SNRPN: variants seen among roughly 807,000 people sequenced by gnomAD.
SNRPN encodes small nuclear ribonucleoprotein polypeptide N, also known as small nuclear ribonucleoprotein-associated protein N.
A neutral mutation model predicts 25.2 loss-of-function variants in SNRPN; 7 were observed. That is an observed-to-expected ratio of 0.28 (90% CI 0.16 to 0.52). The LOEUF is 0.52. Among genes scored for constraint, SNRPN ranks in the 20% least tolerant of loss-of-function variants. SNRPN has a pLI of 0.96. For missense variants in SNRPN, 196 were observed against 322.5 expected, an observed-to-expected ratio of 0.61 and a Z score of 3.00; for synonymous variants, 124 against 110.6, an observed-to-expected ratio of 1.12 and a Z score of -0.76.
At chr15:24,875,308 TTGTC>T (rs774639816) in intron 1 of SNRPN, among the ~76,000 whole-genome samples, 3 of 152,188 alleles carry the variant, frequency 2.0e-5, no homozygotes, top group African/African-American at 4.8e-5. Context: ...GAGCTTGACT[TTGTC>T]TGTCTCCAGA....
chr15:24,923,923 ATTTTTTT>A (rs34575205), intron 3 of SNRPN, among the ~76,000 whole-genome samples: 5 of 89,904 alleles, frequency 5.6e-5, no homozygotes, highest in African/African-American at 4.7e-5. Flanking sequence ...GTATATAAAC[ATTTTTTT>A]TTTTTTTTTT....
At chr15:24,898,284 T>C (rs559056495) in intron 2 of SNRPN, among the ~76,000 whole-genome samples, 60 of 152,336 alleles carry the variant, frequency 3.9e-4, no homozygotes, top group Non-Finnish European at 6.3e-4. Context: ...TCCGGCCTCA[T>C]TGGCATATAA....
chr15:24,918,908 C>T lies in SNRPN; in HGVS notation c.-504-1103C>T, dbSNP rs1017037639. 5.0e-5 allele frequency among the ~76,000 whole-genome samples: 4 copies of T among 80,316 alleles called. 1 individual carries two copies. In the East Asian group the frequency reaches 1.1e-3, roughly 22 times the overall value. 52.7% of individuals were successfully genotyped at this position (80,316 alleles called of 152,430 possible). A position where few individuals can be genotyped will look rare whatever the true frequency, so the allele number is the denominator to read the frequency against. ...ATATAACATAATATATATATGTGCA[C>T]ATATATATAACATAATATATATATG... On this transcript the variant is annotated intron_variant, in intron 2 of 11. Coordinates refer to the SNRPN transcript ENST00000400097.
chr15:24,866,016 C>T (rs909354879), intron 1 of SNRPN, among the ~76,000 whole-genome samples: 3 of 152,080 alleles, frequency 2.0e-5, no homozygotes, highest in East Asian at 1.9e-4. Flanking sequence ...CCTGTTTTAA[C>T]GGTTTCTGCC....
intron 3 of SNRPN, among the ~76,000 whole-genome samples, chr15:24,921,728 GC>G (rs942094898): frequency 6.6e-6 from 1 of 152,156 alleles, no homozygotes; most frequent in Non-Finnish European, 1.5e-5. Flanking sequence ...AGTCCTTCAG[GC>G]CAACTCACTT....
chr15:24,957,501 T>TA (rs908964542), intron 1 of SNRPN, among the ~76,000 whole-genome samples: 1 of 152,222 alleles, frequency 6.6e-6, no homozygotes, highest in Non-Finnish European at 1.5e-5. Flanking sequence ...AGTACTTTTT[T>TA]AAAAAATCAT....
At chr15:24,858,270 A>C (rs531431940) in intron 1 of SNRPN, among the ~76,000 whole-genome samples, 2 of 152,282 alleles carry the variant, frequency 1.3e-5, no homozygotes, top group Admixed American at 6.5e-5. Flanking sequence ...AAGCTAAACT[A>C]TAAACCGAAT....
At chr15:24,919,061 A>G (rs1011154515) in intron 2 of SNRPN, among the ~76,000 whole-genome samples, 1 of 147,086 alleles carries the variant, frequency 6.8e-6, no homozygotes, top group Admixed American at 6.9e-5. Flanking sequence ...GTGCGCATAT[A>G]TATATAACAT....
intron 3 of SNRPN, among the ~76,000 whole-genome samples, chr15:24,921,819 A>G (rs2060036549): frequency 6.6e-6 from 1 of 152,162 alleles, no homozygotes; most frequent in Non-Finnish European, 1.5e-5. Flanking sequence ...AGTTACCAGT[A>G]TTAGTCACTA....
At position 24,891,447 on chromosome 15, in the gene SNRPN, C is replaced by CT. The variant is rs545771996; in HGVS notation, c.-505+4866dup. ...TTGGGCCCAGTAGAGTTTTTTTTTT[C>CT]TTTTTTTTGAGACGGATTCTCGCTG... On this transcript the variant is annotated intron_variant, in intron 2 of 11. Transcript: ENST00000400097. 6.0e-4 allele frequency among the ~76,000 whole-genome samples: 87 copies of CT among 144,050 alleles called. No individual in the cohort carries two copies. In the East Asian group the frequency reaches 0.012, roughly 20 times the overall value. The allele number at this position is 144,050 out of a possible 152,430, so 94.5% of individuals were successfully genotyped here.
At chr15:24,835,888 C>G (rs2051133519) in intron 2 of SNRPN, among the ~76,000 whole-genome samples, 2 of 151,750 alleles carry the variant, frequency 1.3e-5, no homozygotes, top group African/African-American at 4.9e-5. Flanking sequence ...TGGTCTCGAA[C>G]TCCTAGGCTC....
chr15:24,918,342 A>ATATATATAACATAATATATATG lies in SNRPN; in HGVS notation c.-504-1661_-504-1660insACATAATATATATGTATATATA, dbSNP rs749615940. Among the ~76,000 whole-genome samples, 57 of 47,104 alleles carry ATATATATAACATAATATATATG rather than the reference A, an allele frequency of 1.2e-3. 1 individual carries two copies. Among genetic ancestry groups the ATATATATAACATAATATATATG allele is most frequent in the Admixed American group, 2.3e-3 (10 of 4,382 alleles). The allele number at this position is 47,104 out of a possible 152,430, so 30.9% of individuals were successfully genotyped here. A position where few individuals can be genotyped will look rare whatever the true frequency, so the allele number is the denominator to read the frequency against. On this transcript the variant is annotated intron_variant, in intron 2 of 11. Coordinates refer to the SNRPN transcript ENST00000400097. ...TATATATAACATAATATATATGTGT[A>ATATATATAACATAATATATATG]TATATATATAACATTATATATATGT... is the stretch of plus-strand genomic sequence containing the variant.
At chr15:24,832,654 G>A (rs1391515) in intron 2 of SNRPN, among the ~76,000 whole-genome samples, 85,104 of 151,612 alleles carry the variant, frequency 0.56, 24,285 homozygotes, top group East Asian at 0.82. Context: ...TTGTCTCTTC[G>A]CTCTTCACAA....
intron 1 of SNRPN, among the ~76,000 whole-genome samples, chr15:24,874,446 G>A (rs578218563): frequency 1.1e-4 from 16 of 152,088 alleles, no homozygotes; most frequent in African/African-American, 3.9e-4. Flanking sequence ...TAGAGTAAAG[G>A]TGGTAGATGC....
chr15:24,861,425 A>T (rs919836987), intron 1 of SNRPN, among the ~76,000 whole-genome samples: 2 of 152,186 alleles, frequency 1.3e-5, no homozygotes, highest in African/African-American at 4.8e-5. Flanking sequence ...AAAACAAAAA[A>T]TATTGTTCAG....
rs527239182 is a variant in SNRPN at position 24,873,534 on chromosome 15, G to A, written c.-578-12982G>A. ...GCAATCTTGGCTCACTGCAAGCTCC[G>A]CCTCCCCGGTTCACACCATTCTCCT... On this transcript the variant is annotated intron_variant, in intron 1 of 11. Transcript: ENST00000400097. 1.9e-4 allele frequency among the ~76,000 whole-genome samples: 29 copies of A among 149,762 alleles called. No homozygotes were observed. In the South Asian group the frequency reaches 2.6e-3, roughly 13 times the overall value.
At chr15:24,840,147 C>T (rs1436750531) in intron 2 of SNRPN, among the ~76,000 whole-genome samples, 1 of 152,126 alleles carries the variant, frequency 6.6e-6, no homozygotes, top group East Asian at 1.9e-4. Flanking sequence ...CACCTGAGGT[C>T]AGGAGTTCGA....
At chr15:24,873,824 C>A (rs2055516630) in intron 1 of SNRPN, among the ~76,000 whole-genome samples, 1 of 151,982 alleles carries the variant, frequency 6.6e-6, no homozygotes, top group African/African-American at 2.4e-5. Context: ...GAAATTAGTT[C>A]CTGGGATCTG....
At chr15:24,956,142 T>G (rs1025298752) in intron 1 of SNRPN, among the ~76,000 whole-genome samples, 3 of 152,070 alleles carry the variant, frequency 2.0e-5, no homozygotes, top group Non-Finnish European at 4.4e-5. Context: ...AAGACTGGAA[T>G]GATGTGCAGA....
Sources: allele counts gnomAD v4.1 joint callset (sites outside exome capture counted in the v4.1 genomes callset), GRCh38; gene constraint gnomAD v4.1.1; transcripts MANE v1.5; gene names NCBI Gene and HGNC (gene_info 2026-07-23, HGNC 2026-07-21).